Variants in SLC35F4 observed in about 807,000 individuals in gnomAD.
The protein encoded by SLC35F4 is solute carrier family 35 member F4.
SLC35F4 carries 24 observed loss-of-function variants against 44.2 expected under a neutral mutation model. The observed-to-expected ratio is 0.54, with a 90% CI of 0.39 to 0.76. The LOEUF (loss-of-function observed/expected upper bound fraction) is 0.76. SLC35F4 is among the 30% of genes least tolerant of loss of function. The pLI, the probability that SLC35F4 is intolerant of heterozygous loss-of-function variation, is 0.00. For missense variants in SLC35F4, 562 were observed against 586.1 expected (o/e 0.96, Z 0.42); for synonymous variants, 238 against 223.6 (o/e 1.06, Z -0.57).
chr14:57,603,275 T>C (rs1280827567), intron 1 of SLC35F4, among the ~76,000 whole-genome samples: 1 of 152,230 alleles, frequency 6.6e-6, no homozygotes, highest in Non-Finnish European at 1.5e-5. Flanking sequence ...TGCTTTTCAT[T>C]GCAAAAGAAC....
chr14:57,816,714 G>A (rs545323981), intron 1 of SLC35F4, among the ~76,000 whole-genome samples: 1 of 152,312 alleles, frequency 6.6e-6, no homozygotes, highest in African/African-American at 2.4e-5. Context: ...TTTTGGGATT[G>A]TATAAGCAGA....
chr14:57,569,645 TA>T, intron 6 of SLC35F4, 142 bp downstream of exon 6: 2 of 981,994 alleles, frequency 2.0e-6, no homozygotes, highest in Non-Finnish European at 2.8e-6. Context: ...AAGAACCTTC[TA>T]AACATGACCA....
At chr14:57,790,353 A>C (rs533292161) in intron 1 of SLC35F4, among the ~76,000 whole-genome samples, 2 of 152,314 alleles carry the variant, frequency 1.3e-5, no homozygotes, top group African/African-American at 4.8e-5. Context: ...ACAATAATAG[A>C]GAGACAAATC....
intron 1 of SLC35F4, among the ~76,000 whole-genome samples, chr14:57,820,980 A>G (rs899733881): frequency 1.6e-4 from 24 of 152,130 alleles, no homozygotes; most frequent in African/African-American, 5.8e-4. Flanking sequence ...TGTGACCTAA[A>G]TTTTTCAGCT....
chr14:57,717,094 T>C (rs578034634), intron 1 of SLC35F4, among the ~76,000 whole-genome samples: 1 of 152,328 alleles, frequency 6.6e-6, no homozygotes, highest in East Asian at 1.9e-4. Flanking sequence ...ACATTTTCAT[T>C]ATCCTTTTAT....
chr14:57,894,196 A>G (rs183157890), intron 1 of SLC35F4, among the ~76,000 whole-genome samples: 8 of 152,268 alleles, frequency 5.3e-5, no homozygotes, highest in Admixed American at 1.3e-4. Flanking sequence ...GTATTATTCA[A>G]GGTACTATAC....
intron 1 of SLC35F4, among the ~76,000 whole-genome samples, chr14:57,669,301 T>C (rs1234776597): frequency 1.3e-5 from 2 of 151,940 alleles, no homozygotes; most frequent in South Asian, 4.2e-4. Flanking sequence ...CTTCCTCTTT[T>C]CCTAATTGAA....
rs141756086 is a variant in SLC35F4 at position 57,878,420 on chromosome 14, C to T, written n.282+103493G>A. The stretch of plus-strand genomic sequence containing the variant: ...CAGGACTCTTAGCATGAATCCCACA[C>T]CCCTAATGATTGACTGCAGACTTTG... On this transcript the variant is annotated intron_variant and non_coding_transcript_variant, in intron 1 of 1. Transcript: ENST00000556568. Among the ~76,000 whole-genome samples the T allele has an allele frequency of 1.9e-3, 291 of 152,286 alleles. 1 individual carries two copies. Among genetic ancestry groups the T allele is most frequent in the Middle Eastern group, 6.8e-3 (2 of 294 alleles).
intron 1 of SLC35F4, among the ~76,000 whole-genome samples, chr14:57,608,554 C>T (rs1444687744): frequency 6.6e-6 from 1 of 152,068 alleles, no homozygotes; most frequent in Admixed American, 6.6e-5. Context: ...GATACCTTGA[C>T]CTTGGACTTC....
In SLC35F4 at chr14:57,726,892, T is replaced by C. The variant is rs555323822; in HGVS notation, c.104-132768A>G. On this transcript the variant is annotated intron_variant, in intron 1 of 7. Coordinates refer to ENST00000556826, the MANE Select transcript of SLC35F4 (RefSeq NM_001306087.2). ...TTTGGGTGGGCAGCATCTAATCAGC[T>C]GCCAGCACAGCTAGAATATAAAGCA... Among the ~76,000 whole-genome samples the C allele has an allele frequency of 2.0e-5, 3 of 152,204 alleles. No homozygotes were observed. The South Asian group carries it at 6.2e-4, about 32-fold the overall frequency.
intron 1 of SLC35F4, among the ~76,000 whole-genome samples, chr14:57,954,347 C>T (rs907424656): frequency 1.3e-5 from 2 of 151,978 alleles, no homozygotes; most frequent in Non-Finnish European, 2.9e-5. Flanking sequence ...CTGACACTAA[C>T]ATCACAATTA....
intron 1 of SLC35F4, among the ~76,000 whole-genome samples, chr14:57,599,856 T>C (rs990529486): frequency 2.6e-4 from 39 of 150,784 alleles, no homozygotes; most frequent in Non-Finnish European, 5.2e-4. Context: ...AGGAGAGGGT[T>C]GCTTGGCTTA....
chr14:57,610,680 T>A (rs1482584465), intron 1 of SLC35F4, among the ~76,000 whole-genome samples: 1 of 152,184 alleles, frequency 6.6e-6, no homozygotes, highest in Non-Finnish European at 1.5e-5. Flanking sequence ...GTCTCCAACA[T>A]CAATGCCTGG....
At chr14:57,573,380 A>G (rs1396326176) in intron 4 of SLC35F4, among the ~76,000 whole-genome samples, 1 of 152,206 alleles carries the variant, frequency 6.6e-6, no homozygotes, top group African/African-American at 2.4e-5. Flanking sequence ...TTCATTAAAC[A>G]TTATCCAGGA....
At chr14:57,764,701 G>T (rs1227302519) in intron 1 of SLC35F4, among the ~76,000 whole-genome samples, 1 of 152,178 alleles carries the variant, frequency 6.6e-6, no homozygotes, top group Non-Finnish European at 1.5e-5. Context: ...TGAATTGTAT[G>T]TGTGTGTAGC....
chr14:57,721,805 T>C lies in SLC35F4; in HGVS notation c.104-127681A>G, dbSNP rs2076091344. Among the ~76,000 whole-genome samples the C allele has an allele frequency of 2.0e-5, 3 of 152,172 alleles. No homozygotes were observed. In the South Asian group the frequency reaches 6.2e-4, roughly 32 times the overall value. On this transcript the variant is annotated intron_variant, in intron 1 of 7. Coordinates refer to ENST00000556826, the MANE Select transcript of SLC35F4 (RefSeq NM_001306087.2). ...TTCCCCATCCCCAGTAGTGGCAACATTGCCTCCCCAACCCATGCTGCCATC... is the reference window on the plus strand; with the variant it reads ...TTCCCCATCCCCAGTAGTGGCAACACTGCCTCCCCAACCCATGCTGCCATC...
At chr14:57,875,377 T>C (rs1888378211) in intron 1 of SLC35F4, among the ~76,000 whole-genome samples, 1 of 152,222 alleles carries the variant, frequency 6.6e-6, no homozygotes, top group South Asian at 2.1e-4. Flanking sequence ...AGTGTTATTG[T>C]CTAGCTTTTA....
At chr14:57,604,625 C>CA (rs1566672522) in intron 1 of SLC35F4, among the ~76,000 whole-genome samples, 1 of 151,964 alleles carries the variant, frequency 6.6e-6, no homozygotes, top group African/African-American at 2.4e-5. Flanking sequence ...TATATGGAAC[C>CA]AAAAAAGAGC....
At chr14:57,820,915 A>G (rs1406832083) in intron 1 of SLC35F4, among the ~76,000 whole-genome samples, 1 of 152,246 alleles carries the variant, frequency 6.6e-6, no homozygotes, top group African/African-American at 2.4e-5. Context: ...AGTGTCTGTT[A>G]ACAAAAAGAG....
Sources: allele counts gnomAD v4.1 joint callset (sites outside exome capture counted in the v4.1 genomes callset), GRCh38; gene constraint gnomAD v4.1.1; transcripts MANE v1.5; gene names NCBI Gene and HGNC (gene_info 2026-07-23, HGNC 2026-07-21).